Variants in SPPL2B observed in about 807,000 individuals in gnomAD.
SPPL2B encodes signal peptide peptidase-like 2B.
Under a neutral mutation model 59.7 loss-of-function variants are expected in SPPL2B, and 39 were observed. The observed-to-expected ratio is 0.65, with a 90% CI of 0.51 to 0.85. SPPL2B has a LOEUF of 0.85. SPPL2B is among the 40% of genes least tolerant of loss of function. The probability of loss-of-function intolerance (pLI) is 0.00; values close to 1 mark genes in which losing one functional copy is unlikely to be tolerated. For synonymous variants in SPPL2B, 419 were observed against 370.8 expected, an observed-to-expected ratio of 1.13 and a Z score of -1.49; for missense variants, 865 against 849.0, an observed-to-expected ratio of 1.02 and a Z score of -0.23.
chr19:2,328,696 G>T lies in SPPL2B; in HGVS notation c.-14G>T, dbSNP rs1427057447. 13 of 1,434,890 alleles carry T rather than the reference G, an allele frequency of 9.1e-6. No individual in the cohort carries two copies. The African/African-American group carries it at 1.5e-4, about 17-fold the overall frequency. 88.9% of individuals were successfully genotyped at this position (1,434,890 alleles called of 1,614,324 possible). ...GGAAACATCTGCCGTTGGTTGCGGC[G>T]GGCACCGGCCGACATGGCGGCAGCG... On this transcript the variant is annotated 5_prime_UTR_variant, in exon 1 of 15. Coordinates refer to ENST00000613503, the MANE Select transcript of SPPL2B (RefSeq NM_152988.3).
intron 1 of SPPL2B, among the ~76,000 whole-genome samples, chr19:2,330,081 G>A (rs1968200541): frequency 1.3e-5 from 2 of 151,686 alleles, no homozygotes; most frequent in East Asian, 1.9e-4. Flanking sequence ...GAGGGACTCA[G>A]TTTGCCTGGG....
In SPPL2B at chr19:2,344,434, C is replaced by T. The variant is rs1599233728; in HGVS notation, c.1176+10C>T. 1 of 1,570,374 alleles carries T rather than the reference C, an allele frequency of 6.4e-7. No individual in the cohort carries two copies. Among genetic ancestry groups the T allele is most frequent in the Non-Finnish European group, 8.6e-7 (1 of 1,157,826 alleles). On this transcript the variant is annotated intron_variant, in intron 11 of 14. Transcript: ENST00000613503. ...AGCCACCCGTGAGAAGGTGTGTCTT[C>T]TGACTGCAGGGTCTCAGGTTGCCAT...
In SPPL2B at chr19:2,351,504, C is replaced by G. The variant is rs767671382; in HGVS notation, c.1425C>G (p.Leu475=). 4 of 1,610,858 alleles carry G rather than the reference C, an allele frequency of 2.5e-6. No individual in the cohort carries two copies. In the Admixed American group the frequency reaches 6.7e-5, roughly 27 times the overall value. Residue 475 remains leucine, a synonymous_variant, in exon 14 of 15, where the codon CTC becomes CTG. Coordinates refer to ENST00000613503, the MANE Select transcript of SPPL2B (RefSeq NM_152988.3). ...TGCAGCGTGGCCAGCCCGCTCTCCT[C>G]TACCTGGTGCCCTGCACGCTGGTGA... ...ALMQRGQPAL[L]YLVPCTLVTS... is the part of the protein sequence containing the mutation.
At chr19:2,336,081 G>A (rs1210714685) in intron 2 of SPPL2B, among the ~76,000 whole-genome samples, 1 of 152,244 alleles carries the variant, frequency 6.6e-6, no homozygotes, top group Non-Finnish European at 1.5e-5. Flanking sequence ...GTGTGTGTGA[G>A]CACATGTGTA....
At chr19:2,334,178 C>T (rs542835708) in intron 1 of SPPL2B, among the ~76,000 whole-genome samples, 45 of 152,304 alleles carry the variant, frequency 3.0e-4, no homozygotes, top group East Asian at 2.1e-3. Flanking sequence ...CCAGGCCTCC[C>T]GCCCAGGCTG....
intron 12 of SPPL2B, 33 bp from the exon 13 acceptor site, chr19:2,345,219 GC>G (rs1444727226): frequency 1.2e-6 from 2 of 1,600,162 alleles, no homozygotes; most frequent in Non-Finnish European, 1.7e-6. Context: ...GGCTCTGCGG[GC>G]CCGAGTAAGC....
At chr19:2,343,143 C>A in intron 8 of SPPL2B, 68 bp from the exon 9 acceptor site, 1 of 1,301,152 alleles carries the variant, frequency 7.7e-7, no homozygotes, top group South Asian at 1.3e-5. Context: ...CTGTGTGGCT[C>A]GTGGGAGGCG....
intron 1 of SPPL2B, among the ~76,000 whole-genome samples, chr19:2,331,683 G>T (rs1173608769): frequency 2.0e-5 from 3 of 152,066 alleles, no homozygotes; most frequent in African/African-American, 7.3e-5. Flanking sequence ...AGTTCTATCA[G>T]TTCCCATTTT....
At chr19:2,340,269 C>T (rs1358827140) in intron 7 of SPPL2B, 97 bp downstream of exon 7, 6 of 976,940 alleles carry the variant, frequency 6.1e-6, no homozygotes, top group Non-Finnish European at 8.8e-6. Flanking sequence ...CAATATTGCT[C>T]AGAGTCTACA....
intron 8 of SPPL2B, chr19:2,341,487 A>C (rs540606888): frequency 6.7e-6 from 3 of 445,326 alleles, no homozygotes; most frequent in South Asian, 4.7e-5. Flanking sequence ...CTCACCTCCC[A>C]CGTGGCCTGG....
intron 8 of SPPL2B, chr19:2,341,534 T>C: frequency 2.2e-6 from 1 of 449,040 alleles, no homozygotes; most frequent in Non-Finnish European, 4.5e-6. Flanking sequence ...GCCTCCCCCA[T>C]GAGGCCGAGT....
At position 2,339,079 on chromosome 19, in the gene SPPL2B, G is replaced by T. The variant is rs756331036; in HGVS notation, c.470G>T (p.Arg157Leu). The change falls in exon 5 of 15, where the codon CGC becomes CTC. Residue 157 changes from arginine (R) to leucine (L), a missense_variant. Arg to Leu is a moderately radical substitution (Grantham distance 102). Transcript: ENST00000613503. ...TGTTCCTTGAGGCAGCGTTTCGGCC[G>T]CACGGTGAGGGCGGCGCTGTATGCG... ...DMLDIFTRFGRTVRAALYAPK... is the reference protein window; with the variant it reads ...DMLDIFTRFGLTVRAALYAPK... 7 of 1,559,134 alleles carry T rather than the reference G, an allele frequency of 4.5e-6. No individual in the cohort carries two copies. In the Admixed American group the frequency reaches 5.8e-5, roughly 13 times the overall value.
intron 1 of SPPL2B, among the ~76,000 whole-genome samples, chr19:2,329,106 G>C (rs1008781382): frequency 2.0e-5 from 3 of 152,238 alleles, no homozygotes; most frequent in African/African-American, 7.2e-5. Flanking sequence ...GCCTCTCTCC[G>C]GCTCTGTGGC....
intron 8 of SPPL2B, chr19:2,341,688 G>GT (rs1969068285): frequency 2.4e-6 from 1 of 424,344 alleles, no homozygotes; most frequent in South Asian, 1.6e-5. Context: ...GCCACGGCAC[G>GT]TTTAACTGGC....
chr19:2,334,630 T>C lies in SPPL2B; in HGVS notation c.95T>C (p.Val32Ala). Residue 32 changes from valine to alanine, a missense_variant, in exon 2 of 15, where the codon GTG becomes GCG. Transcript: ENST00000613503. ...QVACEYGMVH[V>A]VSQAGGPEGK... ...GCCTGTGAGTACGGCATGGTGCACG[T>C]GGTCTCCCAGGCCGGGGGCCCCGAA... The C allele has an allele frequency of 1.2e-6, 2 of 1,612,930 alleles. No homozygotes were observed. The highest frequency in any genetic ancestry group is 1.7e-6 in the Non-Finnish European group (2 of 1,179,502).
Position 2,337,479 on chromosome 19 carries a change from C to G in SPPL2B, c.223C>G (p.Leu75Val), listed in dbSNP as rs1393657639. The change falls in exon 3 of 15, where the codon CTC (leucine) becomes GTC (valine). Residue 75 changes from leucine to valine, a missense_variant. Coordinates refer to ENST00000613503, the MANE Select transcript of SPPL2B (RefSeq NM_152988.3). Reference sequence around the variant, plus strand: ...GCTGCGCAACTGGACGGCCTCCCTGCTCTGCTCCGCAGCCGACCTCCCCGC... The same window carrying G: ...GCTGCGCAACTGGACGGCCTCCCTGGTCTGCTCCGCAGCCGACCTCCCCGC... ...LQLRNWTASL[L>V]CSAADLPARG... is the part of the protein sequence containing the mutation. 3.7e-6 allele frequency: 6 copies of G among 1,612,290 alleles called. No individual in the cohort carries two copies. In the African/African-American group the frequency reaches 5.3e-5, roughly 14 times the overall value.
chr19:2,345,991 T>G (rs533837994), intron 13 of SPPL2B, among the ~76,000 whole-genome samples: 23 of 152,376 alleles, frequency 1.5e-4, no homozygotes, highest in Middle Eastern at 3.4e-3. Context: ...GTTCTGTTCT[T>G]TTCTTTTCCT....
At chr19:2,334,522 T>C (rs780425015) in intron 1 of SPPL2B, 80 bp from the exon 2 acceptor site, 221 of 1,513,258 alleles carry the variant, frequency 1.5e-4, no homozygotes, top group Non-Finnish European at 1.9e-4. Context: ...CGTCCTCCCC[T>C]CCTCGGGCCT....
At position 2,353,064 on chromosome 19, in the gene SPPL2B, G is replaced by A; in HGVS notation, c.1634G>A (p.Trp545Ter). Residue 545 changes from tryptophan to a stop codon, truncating the protein, a stop_gained, in exon 15 of 15, where the codon TGG (tryptophan) becomes TAG (stop). Coordinates refer to ENST00000613503, the MANE Select transcript of SPPL2B (RefSeq NM_152988.3). LOFTEE classifies it low-confidence loss of function (END_TRUNC). Reference sequence around the variant, plus strand: ...AGCGAAGAACCAGCCACATCCCCCTGGCCTGCTGAGCAGTCCCCAAAATCA... The same window carrying A: ...AGCGAAGAACCAGCCACATCCCCCTAGCCTGCTGAGCAGTCCCCAAAATCA... ...PPSEEPATSP[W>*]PAEQSPKSRT... 3.7e-6 allele frequency: 6 copies of A among 1,612,056 alleles called. No individual in the cohort carries two copies. Among genetic ancestry groups the A allele is most frequent in the Non-Finnish European group, 5.1e-6 (6 of 1,179,612 alleles).
Sources: gnomAD v4.1 joint callset for allele counts (sites outside exome capture counted in the v4.1 genomes callset) on GRCh38, gnomAD v4.1.1 for gene constraint, MANE v1.5 for transcripts, NCBI Gene and HGNC (gene_info 2026-07-23, HGNC 2026-07-21) for gene names.